The following ADGRD2 variants were observed in gnomAD, a reference collection of about 807,000 sequenced individuals.
The protein encoded by ADGRD2 is G protein-coupled receptor PGR24.
Under a neutral mutation model 44.4 loss-of-function variants are expected in ADGRD2, and 71 were observed. That is an observed-to-expected ratio of 1.60 (90% confidence interval 1.32 to 1.95). The LOEUF (loss-of-function observed/expected upper bound fraction) is 1.95, where lower values mean the gene tolerates loss of function less well. ADGRD2 is among the 30% of genes most tolerant of loss of function. ADGRD2 has a pLI of 0.00. For synonymous variants in ADGRD2, 481 were observed against 224.8 expected (o/e 2.14, Z -10.19); for missense variants, 1,039 against 512.4 (o/e 2.03, Z -9.92).
At position 124,470,612 on chromosome 9, in the gene ADGRD2, C is replaced by T. The variant is rs1291496802; in HGVS notation, c.2758C>T (p.Gln920Ter). The change falls in exon 17 of 22, where the codon CAG becomes TAG. Residue 920 changes from glutamine to a stop codon, truncating the protein, a stop_gained and splice_region_variant. Coordinates refer to ENST00000334810, the Ensembl canonical transcript of ADGRD2. LOFTEE classifies it high-confidence loss of function. ...CGCTGCCGTGGGCCTCAACTCCATC[C>T]AGGTACCTCCAGCCCCAACCTTCTG... is the stretch of plus-strand genomic sequence containing the variant. 4.3e-6 allele frequency: 3 copies of T among 704,716 alleles called. No individual in the cohort carries two copies. Among genetic ancestry groups the T allele is most frequent in the Non-Finnish European group, 7.8e-6 (3 of 383,594 alleles). 43.7% of individuals were successfully genotyped at this position (704,716 alleles called of 1,614,324 possible).
chr9:124,458,330 C>G, intron 9 of ADGRD2, 94 bp downstream of exon 12: 1 of 664,918 alleles, frequency 1.5e-6, no homozygotes, highest in South Asian at 1.6e-5. Context: ...GTGTCCTTAG[C>G]AGCCCAGGGC....
exon 3 of ADGRD2, chr9:124,453,363 G>T: frequency 1.9e-6 from 1 of 535,602 alleles, no homozygotes; most frequent in Non-Finnish European, 3.2e-6. Flanking sequence ...GCGGGCGCTG[G>T]GCGCTGTTCT....
intron 10 of ADGRD2, among the ~76,000 whole-genome samples, chr9:124,464,412 C>T (rs994464355): frequency 6.6e-5 from 10 of 152,172 alleles, no homozygotes; most frequent in African/African-American, 2.2e-4. Context: ...CATGGCGCTG[C>T]GTAATCTCGA....
chr9:124,477,216 G>A, intron 21 of ADGRD2: 1 of 373,174 alleles, frequency 2.7e-6, no homozygotes, highest in Admixed American at 3.4e-5. Context: ...CAGTGGCAGG[G>A]TGGGTACTGT....
At chr9:124,455,397 C>G (rs1413935117) in intron 6 of ADGRD2, among the ~76,000 whole-genome samples, 2 of 152,106 alleles carry the variant, frequency 1.3e-5, no homozygotes, top group Non-Finnish European at 2.9e-5. Context: ...TCGAGACTAG[C>G]CTGGCCAACA....
At position 124,458,147 on chromosome 9, in the gene ADGRD2, C is replaced by T. The variant is rs754062201; in HGVS notation, c.1677C>T (p.Phe559=). The T allele has an allele frequency of 5.6e-6, 4 of 718,552 alleles. No homozygotes were observed. In the South Asian group the frequency reaches 5.9e-5, roughly 11 times the overall value. The allele number at this position is 718,552 out of a possible 1,614,324, so 44.5% of individuals were successfully genotyped here. ...GAGTCACCGTGATCCACAGCTGGTTCACCTCCAGAGTCTTCCAGCACACCC... is the reference window on the plus strand; with the variant it reads ...GAGTCACCGTGATCCACAGCTGGTTTACCTCCAGAGTCTTCCAGCACACCC... Residue 559 remains phenylalanine (F), a synonymous_variant, in exon 9 of 22, where the codon TTC becomes TTT. Transcript: ENST00000334810.
In ADGRD2 at chr9:124,466,254, C is replaced by T. The variant is rs980185351; in HGVS notation, c.1871-4C>T. ...CCTCACCCCCTTGTCCACCTTATCT[C>T]AAGAGCCCCCTGTTCCCTCCCCATC... On this transcript the variant is annotated splice_polypyrimidine_tract_variant and splice_region_variant and intron_variant, in intron 10 of 21. Transcript: ENST00000334810. 2 of 629,440 alleles carry T rather than the reference C, an allele frequency of 3.2e-6. No homozygotes were observed. Among genetic ancestry groups the T allele is most frequent in the Non-Finnish European group, 6.0e-6 (2 of 333,712 alleles). The allele number at this position is 629,440 out of a possible 1,614,324, so 39.0% of individuals were successfully genotyped here.
intron 10 of ADGRD2, among the ~76,000 whole-genome samples, chr9:124,462,069 T>C (rs1831732036): frequency 6.6e-6 from 1 of 151,816 alleles, no homozygotes; most frequent in African/African-American, 2.4e-5. Flanking sequence ...TTTTCTTTTC[T>C]TTTTTTGAGA....
At chr9:124,455,907 A>G (rs1277108485) in intron 6 of ADGRD2, among the ~76,000 whole-genome samples, 1 of 152,220 alleles carries the variant, frequency 6.6e-6, no homozygotes, top group African/African-American at 2.4e-5. Context: ...TCTGGGGTTG[A>G]AGGAGCAAAC....
At chr9:124,468,542 C>T (rs561529904) in exon 14 of ADGRD2, 8 of 718,606 alleles carry the variant, frequency 1.1e-5, no homozygotes, top group East Asian at 2.7e-5. Flanking sequence ...CTGTCACAGT[C>T]GCAATGCACT....
chr9:124,453,074 C>A, exon 3 of ADGRD2: 1 of 680,482 alleles, frequency 1.5e-6, no homozygotes, highest in East Asian at 2.7e-5. Context: ...GACGAGAGGA[C>A]GGCTGACCGG....
Position 124,453,046 on chromosome 9 carries a change from A to G in ADGRD2, c.295A>G (p.Thr99Ala), listed in dbSNP as rs1197989246. Residue 99 changes from threonine to alanine, a missense_variant, in exon 3 of 22, where the codon ACC (threonine) becomes GCC (alanine). Physicochemically the swap from Thr to Ala is moderately conservative, Grantham distance 58 (BLOSUM62 0). Coordinates refer to ENST00000334810, the Ensembl canonical transcript of ADGRD2. ...ACGTGTCCCTGCAGGTGCGCGCACC[A>G]CCGCCGTGCTGGTGTTCGACGAGAG... is the stretch of plus-strand genomic sequence containing the variant. 4.5e-6 allele frequency: 3 copies of G among 667,752 alleles called. No homozygotes were observed. The East Asian group carries it at 8.1e-5, about 18-fold the overall frequency. 41.4% of individuals were successfully genotyped at this position (667,752 alleles called of 1,614,324 possible).
intron 10 of ADGRD2, among the ~76,000 whole-genome samples, chr9:124,459,507 A>AG (rs1227112453): frequency 2.6e-5 from 4 of 151,906 alleles, no homozygotes; most frequent in Admixed American, 6.6e-5. Flanking sequence ...AAAAAAAAAA[A>AG]GTTTTGTAGA....
At chr9:124,453,113 A>C (rs1427005352) in exon 3 of ADGRD2, 1 of 701,186 alleles carries the variant, frequency 1.4e-6, no homozygotes, top group South Asian at 1.5e-5. Flanking sequence ...CCTCTGCCTG[A>C]GCTGGCAGCG....
intron 10 of ADGRD2, among the ~76,000 whole-genome samples, chr9:124,464,917 CA>C (rs1831790187): frequency 6.6e-6 from 1 of 152,178 alleles, no homozygotes. Flanking sequence ...AACAAAGTAT[CA>C]CGGAGATCTT....
chr9:124,457,541 G>A (rs1355158262), exon 8 of ADGRD2: 3 of 689,010 alleles, frequency 4.4e-6, no homozygotes, highest in Non-Finnish European at 2.7e-6. Context: ...ATGCCTGGTG[G>A]GCGTCCAGAG....
intron 17 of ADGRD2, among the ~76,000 whole-genome samples, chr9:124,474,966 G>A (rs115509008): frequency 0.014 from 2,197 of 152,234 alleles, 66 homozygotes; most frequent in African/African-American, 0.051. Context: ...CCCAAGTCCC[G>A]GCCTCATCTC....
intron 10 of ADGRD2, among the ~76,000 whole-genome samples, chr9:124,463,629 G>C (rs1831758696): frequency 6.6e-6 from 1 of 152,128 alleles, no homozygotes; most frequent in Non-Finnish European, 1.5e-5. Context: ...ATTGATATAG[G>C]TTATTTGGGT....
chr9:124,451,524 A>G (rs1033531239), upstream of ADGRD2: 1 of 327,062 alleles, frequency 3.1e-6, no homozygotes, highest in African/African-American at 2.2e-5. Flanking sequence ...TGGGAGTCAA[A>G]CAAAGGGCAA....
Sources: gnomAD v4.1 joint callset for allele counts (sites outside exome capture counted in the v4.1 genomes callset) on GRCh38, gnomAD v4.1.1 for gene constraint, MANE v1.5 for transcripts, NCBI Gene and HGNC (gene_info 2026-07-23, HGNC 2026-07-21) for gene names.